Variants in TMTC3 observed in about 807,000 individuals in gnomAD.
TMTC3 encodes protein O-mannosyl-transferase TMTC3.
Under a neutral mutation model 92.2 loss-of-function variants are expected in TMTC3, and 52 were observed. The observed-to-expected ratio is 0.56, with a 90% CI of 0.45 to 0.71. The LOEUF is 0.71. Ranked by LOEUF, TMTC3 falls within the 30% of genes least tolerant of loss-of-function variation. TMTC3 has a pLI of 0.00. For missense variants in TMTC3, 896 were observed against 1,057.1 expected (o/e 0.85, Z 2.11); for synonymous variants, 339 against 363.3 (o/e 0.93, Z 0.76).
In TMTC3 at chr12:88,195,485, A is replaced by T. The variant is rs1396259268; in HGVS notation, c.2581A>T (p.Thr861Ser). The T allele has an allele frequency of 6.2e-7, 1 of 1,613,048 alleles. No individual in the cohort carries two copies. The highest frequency in any genetic ancestry group is 1.1e-5 in the South Asian group (1 of 90,836). ...ATCCAGACAAACACAAATAGTAAAA[A>T]CAAGTGATAATAAAAGTCAGTCTAA... ...GESRQTQIVK[T>S]SDNKSQSKSN... is the part of the protein sequence containing the mutation. The change falls in exon 14 of 14, where the codon ACA becomes TCA. Residue 861 changes from threonine to serine, a missense_variant. Transcript: ENST00000266712.
At chr12:88,189,022 T>C (rs2041410287) in intron 11 of TMTC3, 76 bp downstream of exon 11, 2 of 787,462 alleles carry the variant, frequency 2.5e-6, no homozygotes, top group Non-Finnish European at 4.2e-6. Flanking sequence ...AGAAGGAAAA[T>C]CTTTATCTTT....
chr12:88,187,264 C>T (rs559882301), intron 10 of TMTC3, among the ~76,000 whole-genome samples: 1 of 151,654 alleles, frequency 6.6e-6, no homozygotes, highest in South Asian at 2.1e-4. Context: ...TGTTTTGATA[C>T]ATATAATGCA....
At chr12:88,188,564 T>C (rs899494288) in intron 10 of TMTC3, among the ~76,000 whole-genome samples, 1 of 152,238 alleles carries the variant, frequency 6.6e-6, no homozygotes, top group Non-Finnish European at 1.5e-5. Context: ...AGTTTTTTCA[T>C]GCCATGTATG....
chr12:88,162,924 T>TC (rs1314343544), intron 6 of TMTC3, among the ~76,000 whole-genome samples: 1 of 151,554 alleles, frequency 6.6e-6, no homozygotes, highest in Admixed American at 6.6e-5. Flanking sequence ...TTCTTCTTTT[T>TC]TTTTTTGAGA....
intron 1 of TMTC3, 82 bp from the exon 2 acceptor site, chr12:88,148,206 G>A: frequency 2.5e-6 from 2 of 793,136 alleles, no homozygotes; most frequent in Non-Finnish European, 4.0e-6. Flanking sequence ...GAATTAATAT[G>A]CAATTACTTA....
chr12:88,166,715 G>C, intron 7 of TMTC3, 133 bp downstream of exon 7: 1 of 1,018,128 alleles, frequency 9.8e-7, no homozygotes, highest in South Asian at 1.8e-5. Flanking sequence ...ATTTATAAAC[G>C]TATTTGAGTT....
At chr12:88,193,720 A>G (rs1200499415) in intron 13 of TMTC3, among the ~76,000 whole-genome samples, 3 of 152,168 alleles carry the variant, frequency 2.0e-5, no homozygotes, top group African/African-American at 7.2e-5. Context: ...GTGCTGCCAA[A>G]TAAAAGAATA....
At position 88,192,788 on chromosome 12, in the gene TMTC3, A is replaced by C; in HGVS notation, c.1891A>C (p.Lys631Gln). Residue 631 changes from lysine (K) to glutamine (Q), a missense_variant, in exon 13 of 14, where the codon AAA (lysine) becomes CAA (glutamine). Physicochemically the swap from Lys to Gln is moderately conservative, Grantham distance 53. Coordinates refer to ENST00000266712, the MANE Select transcript of TMTC3 (RefSeq NM_181783.4). ...TGCTCTGGAACTAAATCCAAAGCAT[A>C]AACTAGCATTATTCAACTCTGCTAT... Reference protein sequence around the residue: ...NRALELNPKHKLALFNSAIVM... With the variant: ...NRALELNPKHQLALFNSAIVM... The C allele has an allele frequency of 1.2e-6, 2 of 1,613,212 alleles. No individual in the cohort carries two copies. Among genetic ancestry groups the C allele is most frequent in the Non-Finnish European group, 8.5e-7 (1 of 1,179,632 alleles).
At chr12:88,175,234 A>G (rs2041246876) in intron 9 of TMTC3, among the ~76,000 whole-genome samples, 1 of 152,178 alleles carries the variant, frequency 6.6e-6, no homozygotes, top group Admixed American at 6.5e-5. Context: ...TACTATCAGA[A>G]AGATAAGAAT....
Position 88,195,123 on chromosome 12 carries a change from T to C in TMTC3, c.2219T>C (p.Ile740Thr), listed in dbSNP as rs778738721. The C allele has an allele frequency of 1.9e-6, 3 of 1,613,872 alleles. No individual in the cohort carries two copies. The South Asian group carries it at 3.3e-5, about 18-fold the overall frequency. The change falls in exon 14 of 14, where the codon ATT becomes ACT. Residue 740 changes from isoleucine (I) to threonine (T), a missense_variant. Physicochemically the swap from Ile to Thr is moderately conservative, Grantham distance 89. Transcript: ENST00000266712. ...TACCCTGATCATATCAAGGGCCTCA[T>C]TTTAAAAGGAGACATTCTGATGAAT... ...RYYPDHIKGL[I>T]LKGDILMNQK...
chr12:88,185,667 T>G (rs934833683), intron 10 of TMTC3, among the ~76,000 whole-genome samples: 5 of 149,796 alleles, frequency 3.3e-5, no homozygotes, highest in Admixed American at 6.6e-5. Context: ...TAAATTATGT[T>G]CCAAAAAATG....
At chr12:88,186,228 C>T (rs1306745122) in intron 10 of TMTC3, among the ~76,000 whole-genome samples, 1 of 152,134 alleles carries the variant, frequency 6.6e-6, no homozygotes, top group East Asian at 1.9e-4. Context: ...GAACCAGTGT[C>T]TAATAACTAC....
intron 12 of TMTC3, 121 bp downstream of exon 12, chr12:88,190,743 C>A (rs2041433625): frequency 1.9e-6 from 2 of 1,039,540 alleles, no homozygotes; most frequent in Non-Finnish European, 1.4e-6. Flanking sequence ...TACTTAGCAA[C>A]CAAGTGCATA....
chr12:88,163,828 T>G (rs1273747151), intron 6 of TMTC3, among the ~76,000 whole-genome samples: 1 of 152,086 alleles, frequency 6.6e-6, no homozygotes, highest in African/African-American at 2.4e-5. Context: ...AGGGTAGACA[T>G]GAATTTTTTA....
chr12:88,188,545 C>T (rs2041404107), intron 10 of TMTC3, among the ~76,000 whole-genome samples: 1 of 152,056 alleles, frequency 6.6e-6, no homozygotes, highest in African/African-American at 2.4e-5. Flanking sequence ...TTCAAAAATC[C>T]ATTCAAATAG....
rs140909979 is a variant in TMTC3, at chr12:88,157,655, C to A, written c.509-2459C>A. ...GAAATGTAGTAGATACTTAAAATAACTGTTTGAATAAGTGATTGCTGAAGA... is the reference window on the plus strand; with the variant it reads ...GAAATGTAGTAGATACTTAAAATAAATGTTTGAATAAGTGATTGCTGAAGA... On this transcript the variant is annotated intron_variant, in intron 4 of 13. Transcript: ENST00000266712. Among the ~76,000 whole-genome samples the A allele has an allele frequency of 3.2e-4, 49 of 152,116 alleles. No individual in the cohort carries two copies. In the East Asian group the frequency reaches 4.4e-3, roughly 14 times the overall value.
intron 1 of TMTC3, among the ~76,000 whole-genome samples, chr12:88,142,899 C>T (rs1023151842): frequency 6.6e-6 from 1 of 152,066 alleles, no homozygotes; most frequent in African/African-American, 2.4e-5. Flanking sequence ...AGTACTTGTC[C>T]GGACCACTGC....
chr12:88,170,184 G>C (rs2138402033), intron 7 of TMTC3, among the ~76,000 whole-genome samples: 1 of 152,228 alleles, frequency 6.6e-6, no homozygotes, highest in East Asian at 1.9e-4. Context: ...TTAATCATTA[G>C]AGACATTTCT....
At position 88,148,424 on chromosome 12, in the gene TMTC3, C is replaced by T. The variant is rs2040901712; in HGVS notation, c.109C>T (p.Leu37=). The T allele has an allele frequency of 2.5e-6, 4 of 1,613,020 alleles. No homozygotes were observed. The highest frequency in any genetic ancestry group is 3.4e-6 in the Non-Finnish European group (4 of 1,179,534). The change falls in exon 2 of 14, where the codon CTG becomes TTG. Residue 37 remains leucine, a synonymous_variant. Coordinates refer to ENST00000266712, the MANE Select transcript of TMTC3 (RefSeq NM_181783.4). ...TGTTTTTGATGATGTTTCAGCAATA[C>T]TGGATAACAAAGACTTGCATCCATC... ...GFVFDDVSAI[L]DNKDLHPSTP...
Sources: allele counts gnomAD v4.1 joint callset (sites outside exome capture counted in the v4.1 genomes callset), GRCh38; gene constraint gnomAD v4.1.1; transcripts MANE v1.5; gene names NCBI Gene and HGNC (gene_info 2026-07-23, HGNC 2026-07-21).